The following GTF2F2 variants were observed in gnomAD, a reference collection of about 807,000 sequenced individuals.
GTF2F2 encodes ATP-dependent helicase GTF2F2.
GTF2F2 carries 23 observed loss-of-function variants against 42.2 expected under a neutral mutation model. The observed-to-expected ratio is 0.55, with a 90% CI of 0.39 to 0.77. The LOEUF is 0.77. Ranked by LOEUF, GTF2F2 falls within the 30% of genes least tolerant of loss-of-function variation. The pLI, the probability that GTF2F2 is intolerant of heterozygous loss-of-function variation, is 0.00. For missense variants in GTF2F2, 261 were observed against 287.2 expected, an observed-to-expected ratio of 0.91 and a Z score of 0.66; for synonymous variants, 105 against 100.8, an observed-to-expected ratio of 1.04 and a Z score of -0.25.
rs542013980 is a variant in GTF2F2, at chr13:45,261,057, C to T, written c.487-6176C>T. Among the ~76,000 whole-genome samples the T allele has an allele frequency of 4.6e-5, 7 of 152,054 alleles. No individual in the cohort carries two copies. The East Asian group carries it at 1.4e-3, about 29-fold the overall frequency. On this transcript the variant is annotated intron_variant, in intron 6 of 7. Coordinates refer to ENST00000340473, the MANE Select transcript of GTF2F2 (RefSeq NM_004128.3). ...AGGAGAATCACTTGAACACGGGAGA[C>T]GGAGGCTGCAGTGAGGTGAGATTGC...
intron 4 of GTF2F2, among the ~76,000 whole-genome samples, chr13:45,182,160 ATTTG>A (rs909519711): frequency 3.3e-5 from 5 of 151,956 alleles, no homozygotes; most frequent in African/African-American, 1.2e-4. Context: ...AGTGTTGTTT[ATTTG>A]TTTGTTGAGA....
chr13:45,160,249 A>G (rs1277100373), intron 4 of GTF2F2, among the ~76,000 whole-genome samples: 4 of 152,332 alleles, frequency 2.6e-5, no homozygotes, highest in East Asian at 3.9e-4. Context: ...TCTGTATTCA[A>G]TCTGTAAAGA....
chr13:45,204,682 G>T (rs910147933), intron 4 of GTF2F2, among the ~76,000 whole-genome samples: 4 of 152,182 alleles, frequency 2.6e-5, no homozygotes, highest in Non-Finnish European at 2.9e-5. Context: ...TGCCTAGGGG[G>T]CTGCATCAGG....
chr13:45,129,406 TG>T (rs1168027044), intron 1 of GTF2F2, among the ~76,000 whole-genome samples: 3 of 151,900 alleles, frequency 2.0e-5, no homozygotes, highest in Non-Finnish European at 2.9e-5. Context: ...GTTGGGGTTT[TG>T]CAATGTTGCC....
At chr13:45,147,796 A>G (rs1472559523) in intron 2 of GTF2F2, among the ~76,000 whole-genome samples, 5 of 152,178 alleles carry the variant, frequency 3.3e-5, no homozygotes, top group African/African-American at 4.8e-5. Flanking sequence ...AGAATGTGCT[A>G]GATACTTTCT....
chr13:45,225,820 A>G (rs1408099776), intron 5 of GTF2F2, among the ~76,000 whole-genome samples: 1 of 152,118 alleles, frequency 6.6e-6, no homozygotes, highest in Non-Finnish European at 1.5e-5. Flanking sequence ...TTGTCATATA[A>G]CCCTTAATAT....
intron 5 of GTF2F2, among the ~76,000 whole-genome samples, chr13:45,213,295 G>T (rs1873768561): frequency 6.6e-6 from 1 of 152,032 alleles, no homozygotes; most frequent in African/African-American, 2.4e-5. Flanking sequence ...TAGCCAGGAT[G>T]ATCTCAATCA....
intron 1 of GTF2F2, among the ~76,000 whole-genome samples, chr13:45,128,435 T>C (rs1869160913): frequency 6.7e-6 from 1 of 150,298 alleles, no homozygotes; most frequent in South Asian, 2.1e-4. Context: ...TAGCTGGGCA[T>C]GGTGGCGGGC....
chr13:45,217,551 G>A (rs997255915), intron 5 of GTF2F2, among the ~76,000 whole-genome samples: 1 of 152,174 alleles, frequency 6.6e-6, no homozygotes, highest in African/African-American at 2.4e-5. Context: ...CACTAGTAGA[G>A]CAACCAAAGA....
intron 4 of GTF2F2, among the ~76,000 whole-genome samples, chr13:45,176,228 A>G (rs894049400): frequency 1.3e-5 from 2 of 152,148 alleles, no homozygotes; most frequent in African/African-American, 4.8e-5. Flanking sequence ...ATAAGGCCCA[A>G]CTGTTTTCCA....
intron 4 of GTF2F2, among the ~76,000 whole-genome samples, chr13:45,175,763 C>T (rs1376759052): frequency 6.6e-6 from 1 of 152,160 alleles, no homozygotes; most frequent in Non-Finnish European, 1.5e-5. Flanking sequence ...GCTGGGATTA[C>T]AGGCATGCGC....
At position 45,274,323 on chromosome 13, in the gene GTF2F2, C is replaced by CTTTT. The variant is rs367793010; in HGVS notation, c.630+6965_630+6968dup. The stretch of plus-strand genomic sequence containing the variant: ...CCTTTTATTTTTAGTACAAATTATA[C>CTTTT]TTTTTTTTTTTTTTTTTTTTTGAGA... On this transcript the variant is annotated intron_variant, in intron 7 of 7. Coordinates refer to ENST00000340473, the MANE Select transcript of GTF2F2 (RefSeq NM_004128.3). Among the ~76,000 whole-genome samples, 495 of 102,424 alleles carry CTTTT rather than the reference C, an allele frequency of 4.8e-3. 21 individuals are homozygous for CTTTT. The highest frequency in any genetic ancestry group is 6.1e-3 in the African/African-American group (143 of 23,424). 67.2% of individuals were successfully genotyped at this position (102,424 alleles called of 152,430 possible). A position where few individuals can be genotyped will look rare whatever the true frequency, so the allele number is the denominator to read the frequency against.
chr13:45,186,334 C>G (rs1872423940), intron 4 of GTF2F2, among the ~76,000 whole-genome samples: 1 of 150,726 alleles, frequency 6.6e-6, no homozygotes, highest in East Asian at 1.9e-4. Flanking sequence ...CCCCGTCACC[C>G]AAACTGGAGT....
At position 45,120,591 on chromosome 13, in the gene GTF2F2, C is replaced by A; in HGVS notation, c.-65C>A. The stretch of plus-strand genomic sequence containing the variant: ...GCTTGTCCTTTGTTCCGGACGCCCG[C>A]TCCTCAGCCCTGCGGCTCCTGGGGT... On this transcript the variant is annotated 5_prime_UTR_variant, in exon 1 of 8. Transcript: ENST00000340473. 8.3e-7 allele frequency: 1 copy of A among 1,208,992 alleles called. No individual in the cohort carries two copies. The highest frequency in any genetic ancestry group is 1.2e-6 in the Non-Finnish European group (1 of 836,770). 74.9% of individuals were successfully genotyped at this position (1,208,992 alleles called of 1,614,324 possible).
At chr13:45,242,465 T>C (rs1216154521) in intron 5 of GTF2F2, among the ~76,000 whole-genome samples, 2 of 152,140 alleles carry the variant, frequency 1.3e-5, no homozygotes, top group African/African-American at 2.4e-5. Context: ...TTGTAGAACC[T>C]ATCCTTTAAA....
intron 6 of GTF2F2, among the ~76,000 whole-genome samples, chr13:45,258,346 A>T (rs1476054952): frequency 6.6e-6 from 1 of 151,428 alleles, no homozygotes; most frequent in Admixed American, 6.6e-5. Context: ...GCTGCTGCAG[A>T]GGTGCTCCTG....
intron 1 of GTF2F2, among the ~76,000 whole-genome samples, chr13:45,130,569 G>A (rs1765531917): frequency 6.6e-6 from 1 of 152,168 alleles, no homozygotes; most frequent in African/African-American, 2.4e-5. Flanking sequence ...GCTTGGGCTA[G>A]GGTAGTAACT....
chr13:45,209,699 A>G (rs7998685), intron 5 of GTF2F2, among the ~76,000 whole-genome samples: 33,603 of 152,056 alleles, frequency 0.22, 3,971 homozygotes, highest in African/African-American at 0.27. Flanking sequence ...TTCAACATCA[A>G]ACATACATAC....
chr13:45,191,252 T>TATATATATATATATATATA (rs1872638193), intron 4 of GTF2F2, among the ~76,000 whole-genome samples: 1 of 138,592 alleles, frequency 7.2e-6, no homozygotes, highest in Non-Finnish European at 1.5e-5. Context: ...TATATATATA[T>TATATATATATATATATATA]ATAGCCATAA....
Sources: gnomAD v4.1 joint callset for allele counts (sites outside exome capture counted in the v4.1 genomes callset) on GRCh38, gnomAD v4.1.1 for gene constraint, MANE v1.5 for transcripts, NCBI Gene and HGNC (gene_info 2026-07-23, HGNC 2026-07-21) for gene names.